The following B3GAT2 variants were observed in gnomAD, a reference collection of about 807,000 sequenced individuals.
B3GAT2 encodes the protein galactosylgalactosylxylosylprotein 3-beta-glucuronosyltransferase 2.
Under a neutral mutation model 27.8 loss-of-function variants are expected in B3GAT2, and 26 were observed. The observed-to-expected ratio is 0.93, with a 90% CI of 0.68 to 1.30. The LOEUF is 1.30. B3GAT2 is among the 50% of genes most tolerant of loss of function. The pLI is 0.00. For missense variants in B3GAT2, 458 were observed against 459.0 expected, an observed-to-expected ratio of 1.00 and a Z score of 0.02; for synonymous variants, 218 against 195.1, an observed-to-expected ratio of 1.12 and a Z score of -0.98.
chr6:70,955,218 T>C (rs1242692195), intron 1 of B3GAT2, among the ~76,000 whole-genome samples: 1 of 152,066 alleles, frequency 6.6e-6, no homozygotes, highest in Non-Finnish European at 1.5e-5. Flanking sequence ...AAAAGACTTT[T>C]GTGAGGTGTG....
Position 70,861,404 on chromosome 6 carries a change from CA to C in B3GAT2, c.*258del, listed in dbSNP as rs758428281. On this transcript the variant is annotated 3_prime_UTR_variant, in exon 4 of 4. Transcript: ENST00000230053. ...GGTATCTTGCAGTATCGGCACTGTA[CA>C]AAAAAATCTTCCAATTTAGTTGTTG... 3 of 461,764 alleles carry C rather than the reference CA, an allele frequency of 6.5e-6. No homozygotes were observed. Among genetic ancestry groups the C allele is most frequent in the Admixed American group, 3.4e-5 (1 of 29,106 alleles). The allele number at this position is 461,764 out of a possible 1,614,324, so 28.6% of individuals were successfully genotyped here. A position where few individuals can be genotyped will look rare whatever the true frequency, so the allele number is the denominator to read the frequency against.
intron 1 of B3GAT2, among the ~76,000 whole-genome samples, chr6:70,911,782 G>A (rs548516118): frequency 6.6e-6 from 1 of 152,242 alleles, no homozygotes; most frequent in Admixed American, 6.5e-5. Flanking sequence ...CACGAGCATG[G>A]AATGAATGTT....
intron 2 of B3GAT2, among the ~76,000 whole-genome samples, chr6:70,890,363 C>T (rs1204714461): frequency 6.6e-6 from 1 of 152,098 alleles, no homozygotes; most frequent in East Asian, 1.9e-4. Flanking sequence ...CTTCGACACA[C>T]CCTGGTCCAC....
intron 1 of B3GAT2, among the ~76,000 whole-genome samples, chr6:70,944,138 C>A (rs527357666): frequency 1.3e-5 from 2 of 152,288 alleles, no homozygotes; most frequent in African/African-American, 4.8e-5. Flanking sequence ...CAGCTCCCAG[C>A]GTGAGCGACG....
chr6:70,923,171 T>C (rs1208215875), intron 1 of B3GAT2, among the ~76,000 whole-genome samples: 1 of 152,160 alleles, frequency 6.6e-6, no homozygotes, highest in Non-Finnish European at 1.5e-5. Context: ...GTTTAGACAT[T>C]GGGACCTAGT....
At chr6:70,935,762 T>C (rs932783109) in intron 1 of B3GAT2, among the ~76,000 whole-genome samples, 3 of 152,008 alleles carry the variant, frequency 2.0e-5, no homozygotes, top group Admixed American at 1.3e-4. Context: ...GCACTAAACA[T>C]GGAAAGGCAC....
At chr6:70,945,235 C>CA (rs1765460303) in intron 1 of B3GAT2, among the ~76,000 whole-genome samples, 1 of 152,154 alleles carries the variant, frequency 6.6e-6, no homozygotes, top group African/African-American at 2.4e-5. Flanking sequence ...ATGACTTTGA[C>CA]GAGTTGAGAG....
intron 2 of B3GAT2, among the ~76,000 whole-genome samples, chr6:70,893,134 C>T (rs938350107): frequency 6.6e-6 from 1 of 152,190 alleles, no homozygotes; most frequent in African/African-American, 2.4e-5. Context: ...AGCGCTGTGC[C>T]CCTCAGATGA....
intron 1 of B3GAT2, among the ~76,000 whole-genome samples, chr6:70,931,976 AAAG>A (rs749101612): frequency 3.9e-5 from 6 of 152,288 alleles, no homozygotes; most frequent in African/African-American, 7.2e-5. Context: ...ATATTTCCCC[AAAG>A]AAGACAGACA....
Position 70,858,463 on chromosome 6 carries a change from A to G in B3GAT2, c.*3200T>C, listed in dbSNP as rs932159522. Reference sequence around the variant, plus strand: ...GTATTCTGTAAAAAAAAGGTTAAACATCTTTCATTTCAAATTGTAATGTAA... The same window carrying G: ...GTATTCTGTAAAAAAAAGGTTAAACGTCTTTCATTTCAAATTGTAATGTAA... On this transcript the variant is annotated 3_prime_UTR_variant, in exon 4 of 4. Coordinates refer to ENST00000230053, the MANE Select transcript of B3GAT2 (RefSeq NM_080742.3). 2.6e-6 allele frequency: 1 copy of G among 380,162 alleles called. No homozygotes were observed. The highest frequency in any genetic ancestry group is 4.6e-6 in the Non-Finnish European group (1 of 216,248). The allele number at this position is 380,162 out of a possible 1,614,324, so 23.5% of individuals were successfully genotyped here. A position where few individuals can be genotyped will look rare whatever the true frequency, so the allele number is the denominator to read the frequency against.
intron 1 of B3GAT2, among the ~76,000 whole-genome samples, chr6:70,949,270 C>T (rs1052024975): frequency 7.2e-5 from 11 of 151,972 alleles, no homozygotes; most frequent in Non-Finnish European, 8.8e-5. Context: ...GAACAGGCAA[C>T]CTACAAAATG....
chr6:70,859,037 C>T lies in B3GAT2; in HGVS notation c.*2626G>A. ...CCTTTTACACTTCCCATTGATGTTCCTCCAGCATTTTGGCAATCTTGGTTT... is the reference window on the plus strand; with the variant it reads ...CCTTTTACACTTCCCATTGATGTTCTTCCAGCATTTTGGCAATCTTGGTTT... On this transcript the variant is annotated 3_prime_UTR_variant, in exon 4 of 4. Transcript: ENST00000230053. 1 of 224,638 alleles carries T rather than the reference C, an allele frequency of 4.5e-6. No individual in the cohort carries two copies. The highest frequency in any genetic ancestry group is 8.7e-6 in the Non-Finnish European group (1 of 114,876). The allele number at this position is 224,638 out of a possible 1,614,324, so 13.9% of individuals were successfully genotyped here. A position where few individuals can be genotyped will look rare whatever the true frequency, so the allele number is the denominator to read the frequency against.
chr6:70,909,328 A>G (rs1772650668), intron 1 of B3GAT2, among the ~76,000 whole-genome samples: 1 of 152,260 alleles, frequency 6.6e-6, no homozygotes, highest in Non-Finnish European at 1.5e-5. Flanking sequence ...ACACATTTTA[A>G]TAACATAGAT....
chr6:70,865,370 G>A (rs905708775), intron 2 of B3GAT2, among the ~76,000 whole-genome samples: 24 of 152,008 alleles, frequency 1.6e-4, no homozygotes, highest in African/African-American at 2.4e-4. Flanking sequence ...TGCCCCCCTC[G>A]GCCTCCTAAA....
chr6:70,888,878 C>G, intron 2 of B3GAT2, among the ~76,000 whole-genome samples: 1 of 152,218 alleles, frequency 6.6e-6, no homozygotes, highest in East Asian at 1.9e-4. Flanking sequence ...CTTCCCAAGA[C>G]CTTTCCCGAA....
intron 1 of B3GAT2, among the ~76,000 whole-genome samples, chr6:70,942,781 T>C (rs1447807029): frequency 2.6e-5 from 4 of 152,144 alleles, no homozygotes; most frequent in African/African-American, 7.2e-5. Context: ...TATTAAAACA[T>C]CTTCTGAATA....
chr6:70,881,806 G>A (rs1772103020), intron 2 of B3GAT2, among the ~76,000 whole-genome samples: 1 of 152,162 alleles, frequency 6.6e-6, no homozygotes, highest in Non-Finnish European at 1.5e-5. Context: ...GGGCTCCCAT[G>A]AGGACACCAT....
intron 2 of B3GAT2, among the ~76,000 whole-genome samples, chr6:70,877,816 A>G (rs747024745): frequency 1.3e-5 from 2 of 152,184 alleles, no homozygotes; most frequent in East Asian, 1.9e-4. Flanking sequence ...TTGTGTTTCC[A>G]TAAGCCAGCC....
intron 1 of B3GAT2, among the ~76,000 whole-genome samples, chr6:70,919,875 A>G (rs948945142): frequency 6.6e-6 from 1 of 152,176 alleles, no homozygotes; most frequent in Non-Finnish European, 1.5e-5. Flanking sequence ...TTGAGGAGGT[A>G]GTCTGTCCGT....
Sources: allele counts gnomAD v4.1 joint callset (sites outside exome capture counted in the v4.1 genomes callset), GRCh38; gene constraint gnomAD v4.1.1; transcripts MANE v1.5; gene names NCBI Gene and HGNC (gene_info 2026-07-23, HGNC 2026-07-21).